Variants in SLC71A2 observed in about 807,000 individuals in gnomAD.
The protein encoded by SLC71A2 is solute carrier family 71 member 2, also known as hippocampus abundant transcript-like 1.
At chr9:94,383,286 C>T in the SLC71A2 span, among the ~76,000 whole-genome samples, 6 of 151,538 alleles carry the variant, frequency 4.0e-5, no homozygotes, top group Non-Finnish European at 8.8e-5. Context: ...CCTCAGCCTC[C>T]TGAGTAGCTG....
chr9:94,390,426 A>G, the SLC71A2 span, among the ~76,000 whole-genome samples: 1 of 150,388 alleles, frequency 6.6e-6, no homozygotes, highest in East Asian at 2.0e-4. Flanking sequence ...ATTATTTTCT[A>G]GTCGGTAAAA....
At chr9:94,416,608 A>G in the SLC71A2 span, among the ~76,000 whole-genome samples, 1 of 152,254 alleles carries the variant, frequency 6.6e-6, no homozygotes, top group Admixed American at 6.5e-5. Context: ...TAATCCCAGC[A>G]CTTTTGGAGG....
At chr9:94,420,951 A>C in the SLC71A2 span, among the ~76,000 whole-genome samples, 9 of 152,106 alleles carry the variant, frequency 5.9e-5, no homozygotes, top group Non-Finnish European at 1.3e-4. Flanking sequence ...AATTCAAATC[A>C]AACCATTAGA....
chr9:94,459,434 TGCATAC>T, the SLC71A2 span: 2 of 1,611,782 alleles, frequency 1.2e-6, no homozygotes, highest in Non-Finnish European at 1.7e-6. Context: ...AGTGGGATTC[TGCATAC>T]GCCATCTCTG....
chr9:94,436,871 A>G, the SLC71A2 span, among the ~76,000 whole-genome samples: 1 of 152,258 alleles, frequency 6.6e-6, no homozygotes, highest in African/African-American at 2.4e-5. Flanking sequence ...AGTGTTTACC[A>G]GGCCCTGTGA....
At chr9:94,453,909 A>G in the SLC71A2 span, 20 of 1,232,512 alleles carry the variant, frequency 1.6e-5, no homozygotes, top group East Asian at 3.9e-4. Context: ...TTGTATTTTA[A>G]TTCTGTGTGT....
chr9:94,431,590 A>C, the SLC71A2 span, among the ~76,000 whole-genome samples: 1 of 152,022 alleles, frequency 6.6e-6, no homozygotes, highest in East Asian at 1.9e-4. Flanking sequence ...ATTATGTTGA[A>C]CACTTAGTAC....
chr9:94,434,368 T>A, the SLC71A2 span, among the ~76,000 whole-genome samples: 2 of 151,996 alleles, frequency 1.3e-5, no homozygotes, highest in African/African-American at 4.8e-5. Context: ...TAGGCTGGGG[T>A]GCAGTGGTGC....
chr9:94,458,175 T>G, the SLC71A2 span: 2 of 589,848 alleles, frequency 3.4e-6, no homozygotes, highest in Non-Finnish European at 5.7e-6. Flanking sequence ...GGATAAAGTC[T>G]TCCTAATCTA....
chr9:94,397,280 G>A, the SLC71A2 span, among the ~76,000 whole-genome samples: 1 of 152,004 alleles, frequency 6.6e-6, no homozygotes, highest in Non-Finnish European at 1.5e-5. Flanking sequence ...TGGTACATTT[G>A]TCAAAATTAA....
At chr9:94,419,298 CTTTT>C in the SLC71A2 span, among the ~76,000 whole-genome samples, 2 of 132,666 alleles carry the variant, frequency 1.5e-5, no homozygotes, top group Non-Finnish European at 1.6e-5. Flanking sequence ...ACTTTTTTTT[CTTTT>C]TTTTTTTTTT....
the SLC71A2 span, among the ~76,000 whole-genome samples, chr9:94,377,222 G>T: frequency 3.9e-5 from 6 of 151,994 alleles, no homozygotes; most frequent in Non-Finnish European, 7.4e-5. Flanking sequence ...ACCTCCGGGT[G>T]CTGTGTCCTA....
the SLC71A2 span, among the ~76,000 whole-genome samples, chr9:94,434,982 A>T: frequency 2.0e-5 from 3 of 151,876 alleles, no homozygotes; most frequent in African/African-American, 4.8e-5. Flanking sequence ...ATTCTAGCTT[A>T]CTCTATTTTT....
the SLC71A2 span, among the ~76,000 whole-genome samples, chr9:94,407,815 G>A: frequency 6.6e-6 from 1 of 152,160 alleles, no homozygotes; most frequent in Non-Finnish European, 1.5e-5. Context: ...AATCCTAAAT[G>A]GAAAATTCCA....
the SLC71A2 span, among the ~76,000 whole-genome samples, chr9:94,379,175 C>A: frequency 6.7e-6 from 1 of 149,924 alleles, no homozygotes; most frequent in South Asian, 2.1e-4. Context: ...CAGCCTCTGC[C>A]TGCCGGGTTC....
At chr9:94,450,651 A>G in the SLC71A2 span, among the ~76,000 whole-genome samples, 104,498 of 151,434 alleles carry the variant, frequency 0.69, 37,024 homozygotes, top group African/African-American at 0.85. Context: ...CACCACGTCC[A>G]GCTAATTTTT....
the SLC71A2 span, among the ~76,000 whole-genome samples, chr9:94,402,510 C>T: frequency 6.6e-6 from 1 of 152,154 alleles, no homozygotes; most frequent in Non-Finnish European, 1.5e-5. Context: ...TGTCACTCTC[C>T]ATCTCTCCCT....
the SLC71A2 span, among the ~76,000 whole-genome samples, chr9:94,423,542 G>A: frequency 6.6e-6 from 1 of 152,056 alleles, no homozygotes; most frequent in Non-Finnish European, 1.5e-5. Context: ...TGGTCCCTGT[G>A]TATAACCCTG....
At chr9:94,401,075 ATCTTT>A in the SLC71A2 span, among the ~76,000 whole-genome samples, 5 of 148,950 alleles carry the variant, frequency 3.4e-5, no homozygotes, top group South Asian at 2.1e-4. Context: ...CATAATGAAC[ATCTTT>A]TCTTTTCCTT....
Sources: allele counts gnomAD v4.1 joint callset (sites outside exome capture counted in the v4.1 genomes callset), GRCh38; gene constraint gnomAD v4.1.1; transcripts MANE v1.5; gene names NCBI Gene and HGNC (gene_info 2026-07-23, HGNC 2026-07-21).